CLDN10: variants seen among roughly 807,000 people sequenced by gnomAD.
CLDN10 encodes claudin-10.
In CLDN10, 15 loss-of-function variants were observed where a neutral mutation model predicts 22.9. The observed-to-expected ratio is 0.65, with a 90% CI of 0.44 to 1.01. The LOEUF is 1.01. Ranked by LOEUF, CLDN10 falls within the 50% of genes least tolerant of loss-of-function variation. The pLI is 0.00. For missense variants in CLDN10, 247 were observed against 287.8 expected, an observed-to-expected ratio of 0.86 and a Z score of 1.03; for synonymous variants, 114 against 111.4, an observed-to-expected ratio of 1.02 and a Z score of -0.15.
chr13:95,502,506 G>GTGT (rs139900960), intron 1 of CLDN10, among the ~76,000 whole-genome samples: 12,685 of 152,010 alleles, frequency 0.083, 556 homozygotes, highest in African/African-American at 0.089. Context: ...TCTTGTTGTT[G>GTGT]TGTTTTGTTT....
chr13:95,570,845 C>T (rs1264560760), intron 3 of CLDN10, among the ~76,000 whole-genome samples: 1 of 84,794 alleles, frequency 1.2e-5, no homozygotes, highest in African/African-American at 4.3e-5. Context: ...CACACACACA[C>T]ACATATACGT....
intron 3 of CLDN10, among the ~76,000 whole-genome samples, chr13:95,562,230 C>T (rs1295624343): frequency 6.6e-6 from 1 of 151,986 alleles, no homozygotes; most frequent in South Asian, 2.1e-4. Context: ...CTGCGCCCGG[C>T]CCCGGATAAT....
chr13:95,534,425 A>T (rs1261125955), intron 1 of CLDN10, among the ~76,000 whole-genome samples: 1 of 152,228 alleles, frequency 6.6e-6, no homozygotes, highest in East Asian at 1.9e-4. Flanking sequence ...ATTGTGGGTC[A>T]TCTGGTCCAC....
At chr13:95,482,655 T>C (rs116461984) in intron 1 of CLDN10, among the ~76,000 whole-genome samples, 1 of 152,178 alleles carries the variant, frequency 6.6e-6, no homozygotes, top group African/African-American at 2.4e-5. Context: ...TTTATTCTCA[T>C]GATGTACTTA....
chr13:95,498,494 A>G (rs1361482357), intron 1 of CLDN10, among the ~76,000 whole-genome samples: 1 of 152,156 alleles, frequency 6.6e-6, no homozygotes, highest in South Asian at 2.1e-4. Context: ...TCCTGGGCTC[A>G]GGTAATCCTC....
chr13:95,551,331 A>ACTG (rs1268820237), upstream of CLDN10, among the ~76,000 whole-genome samples: 1 of 152,232 alleles, frequency 6.6e-6, no homozygotes, highest in Admixed American at 6.5e-5. Flanking sequence ...CATGCACTGA[A>ACTG]CTGCTGGTCC....
At chr13:95,533,622 G>A (rs770779206) in intron 1 of CLDN10, 1 of 152,098 alleles carries the variant, frequency 6.6e-6, no homozygotes, top group African/African-American at 2.4e-5. Context: ...AAATAAATTA[G>A]GAAGTATTTA....
chr13:95,483,012 A>G (rs7328468), intron 1 of CLDN10, among the ~76,000 whole-genome samples: 90,309 of 152,152 alleles, frequency 0.59, 28,044 homozygotes, highest in African/African-American at 0.79. Context: ...AAGCCCATTA[A>G]ACATCACGAA....
intron 1 of CLDN10, among the ~76,000 whole-genome samples, chr13:95,499,523 C>T (rs1201091359): frequency 6.6e-6 from 1 of 152,146 alleles, no homozygotes; most frequent in Non-Finnish European, 1.5e-5. Context: ...GCCTGGGCGA[C>T]AAGAGTGAAA....
intron 1 of CLDN10, among the ~76,000 whole-genome samples, chr13:95,472,675 A>T (rs576842849): frequency 2.0e-5 from 3 of 151,962 alleles, no homozygotes; most frequent in East Asian, 3.9e-4. Flanking sequence ...GTCTCAAAAA[A>T]AAAAAAAAAA....
chr13:95,497,184 T>C (rs1288894511), intron 1 of CLDN10: 1 of 152,186 alleles, frequency 6.6e-6, no homozygotes, highest in Non-Finnish European at 1.5e-5. Context: ...TAACTATAAT[T>C]AAACAATCTA....
chr13:95,444,927 C>T (rs995821432), intron 1 of CLDN10, among the ~76,000 whole-genome samples: 1 of 152,140 alleles, frequency 6.6e-6, no homozygotes, highest in Admixed American at 6.6e-5. Flanking sequence ...AGATGTGCAT[C>T]ACCATTCCTG....
intron 1 of CLDN10, among the ~76,000 whole-genome samples, chr13:95,487,071 C>G (rs1206163012): frequency 6.6e-6 from 1 of 152,220 alleles, no homozygotes; most frequent in African/African-American, 2.4e-5. Flanking sequence ...TGATTCTAAC[C>G]TACACCTATG....
At chr13:95,522,536 T>C (rs528679654) in intron 1 of CLDN10, among the ~76,000 whole-genome samples, 1 of 152,214 alleles carries the variant, frequency 6.6e-6, no homozygotes, top group South Asian at 2.1e-4. Context: ...AAATGTTCCA[T>C]GGATGCTTGA....
At chr13:95,489,733 T>C (rs1282464408) in intron 1 of CLDN10, among the ~76,000 whole-genome samples, 1 of 152,246 alleles carries the variant, frequency 6.6e-6, no homozygotes, top group African/African-American at 2.4e-5. Flanking sequence ...AGGTCCTAGC[T>C]ATTTATCTTT....
rs1283680698 is a variant in CLDN10, at chr13:95,578,926, C to G, written c.*912C>G. 6.6e-6 allele frequency: 1 copy of G among 152,160 alleles called. No individual in the cohort carries two copies. The highest frequency in any genetic ancestry group is 6.5e-5 in the Admixed American group (1 of 15,276). 9.4% of individuals were successfully genotyped at this position (152,160 alleles called of 1,614,324 possible). On this transcript the variant is annotated 3_prime_UTR_variant, in exon 5 of 5. Transcript: ENST00000299339. The stretch of plus-strand genomic sequence containing the variant: ...GCACATCCATGTTAAGGGGCTGAGG[C>G]GTCCCTGGCACGGAATGCAGAGCCC...
chr13:95,566,146 T>A lies in CLDN10; in HGVS notation c.464+5683T>A, dbSNP rs147432031. On this transcript the variant is annotated intron_variant, in intron 3 of 4. Coordinates refer to ENST00000299339, the MANE Select transcript of CLDN10 (RefSeq NM_006984.5). ...AATCCTTTGGGTATATACCCAGTAA[T>A]GGGATCACTCAGTCAAATGCTATTT... 3.1e-3 allele frequency among the ~76,000 whole-genome samples: 470 copies of A among 152,368 alleles called. 3 individuals are homozygous for A. The highest frequency in any genetic ancestry group is 0.011 in the African/African-American group (451 of 41,586).
At position 95,479,812 on chromosome 13, in the gene CLDN10, A is replaced by G. The variant is rs2042724664; in HGVS notation, c.214+45765A>G. 2.0e-5 allele frequency: 3 copies of G among 152,224 alleles called. No homozygotes were observed. In the South Asian group the frequency reaches 6.2e-4, roughly 32 times the overall value. 9.4% of individuals were successfully genotyped at this position (152,224 alleles called of 1,614,324 possible). On this transcript the variant is annotated intron_variant, in intron 1 of 4. Transcript: ENST00000376873. ...ACATTGGCTGGACAGCACTGTCTGT[A>G]TGTACAGCTCCTCCCACATCCCCTG...
chr13:95,511,485 C>G (rs2043097936), intron 1 of CLDN10, among the ~76,000 whole-genome samples: 1 of 151,970 alleles, frequency 6.6e-6, no homozygotes, highest in East Asian at 1.9e-4. Flanking sequence ...TGGTTTCATA[C>G]AAAAGTGTTT....
Sources: gnomAD v4.1 joint callset for allele counts (sites outside exome capture counted in the v4.1 genomes callset) on GRCh38, gnomAD v4.1.1 for gene constraint, MANE v1.5 for transcripts, NCBI Gene and HGNC (gene_info 2026-07-23, HGNC 2026-07-21) for gene names.